HOXC4: variants seen among roughly 807,000 people sequenced by gnomAD.
HOXC4 encodes homeobox C4, also known as homeobox protein Hox-C4.
In HOXC4, 15 loss-of-function variants were observed where a neutral mutation model predicts 25.5. That is an observed-to-expected ratio of 0.59 (90% CI 0.39 to 0.91). HOXC4 has a LOEUF of 0.91. HOXC4 is among the 40% of genes least tolerant of loss of function. The pLI is 0.00. For missense variants in HOXC4, 342 were observed against 352.4 expected (o/e 0.97, Z 0.24); for synonymous variants, 165 against 148.0 (o/e 1.11, Z -0.83).
At chr12:54,034,792 G>C (rs1941138660) in intron 1 of HOXC4, 1 of 399,052 alleles carries the variant, frequency 2.5e-6, no homozygotes, top group Admixed American at 3.7e-5. Context: ...GGCGCAGAAC[G>C]AACCTTGGCC....
intron 1 of HOXC4, among the ~76,000 whole-genome samples, chr12:54,042,389 C>CT (rs1941290248): frequency 6.6e-6 from 1 of 152,208 alleles, no homozygotes; most frequent in African/African-American, 2.4e-5. Context: ...ACTTCTCACA[C>CT]TGGGGTACCA....
In HOXC4 at chr12:54,053,966, C is replaced by G. The variant is rs777245697; in HGVS notation, c.44C>G (p.Pro15Arg). 6.2e-7 allele frequency: 1 copy of G among 1,613,908 alleles called. No individual in the cohort carries two copies. The highest frequency in any genetic ancestry group is 8.5e-7 in the Non-Finnish European group (1 of 1,179,844). The change falls in exon 1 of 2, where the codon CCG (proline) becomes CGG (arginine). Residue 15 changes from proline to arginine, a missense_variant. Transcript: ENST00000430889. ...TTGATGGACTCTAACTACATCGATC[C>G]GAAATTTCCTCCATGCGAAGAATAT... is the stretch of plus-strand genomic sequence containing the variant. ...SYLMDSNYID[P>R]KFPPCEEYSQ...
At chr12:54,032,378 G>C (rs2136444707) in intron 1 of HOXC4, among the ~76,000 whole-genome samples, 1 of 152,308 alleles carries the variant, frequency 6.6e-6, no homozygotes, top group African/African-American at 2.4e-5. Flanking sequence ...TTGCTGATAG[G>C]CACCTCTTCA....
rs1336608982 is a variant in HOXC4 at position 54,055,857 on chromosome 12, A to G, written c.*652A>G. 2 of 152,548 alleles carry G rather than the reference A, an allele frequency of 1.3e-5. No individual in the cohort carries two copies. Among genetic ancestry groups the G allele is most frequent in the Non-Finnish European group, 2.9e-5 (2 of 68,030 alleles). 9.4% of individuals were successfully genotyped at this position (152,548 alleles called of 1,614,324 possible). A position where few individuals can be genotyped will look rare whatever the true frequency, so the allele number is the denominator to read the frequency against. On this transcript the variant is annotated 3_prime_UTR_variant, in exon 2 of 2. Coordinates refer to ENST00000430889, the MANE Select transcript of HOXC4 (RefSeq NM_153633.3). ...AGGAGCCAAAAGAAAATCAAAATGA[A>G]CTTTCAGTTCAGAGAGGCAGTCTAT...
At chr12:54,029,551 G>C in intron 1 of HOXC4, 4 of 1,225,524 alleles carry the variant, frequency 3.3e-6, no homozygotes, top group Admixed American at 2.2e-5. Flanking sequence ...AGGAGGCTGT[G>C]AGCTGCTGGC....
chr12:54,025,603 T>A (rs1190802104), intron 1 of HOXC4, among the ~76,000 whole-genome samples: 3 of 151,916 alleles, frequency 2.0e-5, no homozygotes, highest in Admixed American at 6.6e-5. Context: ...GTATTTCTGT[T>A]TCCCCTTCTC....
chr12:54,019,241 T>A (rs1940312790), intron 1 of HOXC4, among the ~76,000 whole-genome samples: 1 of 133,442 alleles, frequency 7.5e-6, no homozygotes, highest in African/African-American at 2.8e-5. Flanking sequence ...TAATTTCGCT[T>A]TCCTTGTTTA....
upstream of HOXC4, among the ~76,000 whole-genome samples, chr12:54,050,747 A>G (rs1252124414): frequency 5.3e-5 from 8 of 152,166 alleles, no homozygotes; most frequent in Non-Finnish European, 1.2e-4. Context: ...AATGATGTAG[A>G]TGAGTGTGGG....
Position 54,025,880 on chromosome 12 carries a change from TGCTGGGG to T in HOXC4, c.-124+8471_-124+8477del, listed in dbSNP as rs532234318. Among the ~76,000 whole-genome samples the T allele has an allele frequency of 4.4e-4, 67 of 152,238 alleles. No homozygotes were observed. In the South Asian group the frequency reaches 0.011, roughly 25 times the overall value. On this transcript the variant is annotated intron_variant, in intron 1 of 3. Transcript: ENST00000303406. ...GGGCTCAAGGAAACCTAGGCATCCT[TGCTGGGG>T]GCTGTAGTCCATGCTGCCCCAGAAG...
intron 1 of HOXC4, among the ~76,000 whole-genome samples, chr12:54,025,497 C>T (rs1330330747): frequency 7.2e-6 from 1 of 138,854 alleles, no homozygotes; most frequent in East Asian, 2.2e-4. Flanking sequence ...AAGAAGAGGG[C>T]TTCTTCTTTC....
intron 1 of HOXC4, 39 bp from the exon 2 acceptor site, chr12:54,054,811 G>A (rs1357722884): frequency 4.3e-6 from 6 of 1,408,284 alleles, no homozygotes; most frequent in Admixed American, 3.7e-5. Context: ...GGAGCCTGCT[G>A]CCTCTGAACC....
intron 1 of HOXC4, among the ~76,000 whole-genome samples, chr12:54,043,095 C>T (rs564902219): frequency 1.4e-4 from 21 of 152,322 alleles, no homozygotes; most frequent in South Asian, 4.1e-4. Context: ...AAATTGGACT[C>T]GGTTATGCAG....
At chr12:54,040,444 G>A (rs1329946278) in intron 1 of HOXC4, among the ~76,000 whole-genome samples, 1 of 152,130 alleles carries the variant, frequency 6.6e-6, no homozygotes, top group Non-Finnish European at 1.5e-5. Flanking sequence ...TTGGAAGGCT[G>A]GAGTGATACC....
At chr12:54,045,973 G>A (rs1217844478) in intron 1 of HOXC4, among the ~76,000 whole-genome samples, 1 of 152,136 alleles carries the variant, frequency 6.6e-6, no homozygotes, top group Non-Finnish European at 1.5e-5. Flanking sequence ...AGAAGAAAGG[G>A]GAGAGTCCTC....
intron 1 of HOXC4, among the ~76,000 whole-genome samples, chr12:54,042,561 T>G (rs78894268): frequency 6.6e-6 from 1 of 152,190 alleles, no homozygotes; most frequent in Non-Finnish European, 1.5e-5. Context: ...TGCTTTGGAC[T>G]GAGTTTTTGA....
At chr12:54,026,973 G>T (rs929142089) in intron 1 of HOXC4, among the ~76,000 whole-genome samples, 1 of 140,810 alleles carries the variant, frequency 7.1e-6, no homozygotes, top group South Asian at 2.2e-4. Flanking sequence ...GTGGGGGGGG[G>T]GGGATATGAG....
upstream of HOXC4, among the ~76,000 whole-genome samples, chr12:54,050,997 TC>T (rs1272354468): frequency 2.6e-5 from 4 of 152,070 alleles, no homozygotes; most frequent in Admixed American, 1.3e-4. Context: ...AAAGTCAGTC[TC>T]CTTGACCCCC....
At chr12:54,034,666 G>A in intron 1 of HOXC4, 1 of 600,948 alleles carries the variant, frequency 1.7e-6, no homozygotes, top group Non-Finnish European at 2.9e-6. Context: ...TACCGACCCA[G>A]GGTTCCCGCG....
chr12:54,053,861 G>A lies in HOXC4; in HGVS notation c.-62G>A. The A allele has an allele frequency of 7.4e-7, 1 of 1,345,444 alleles. No homozygotes were observed. The allele number at this position is 1,345,444 out of a possible 1,614,324, so 83.3% of individuals were successfully genotyped here. A position where few individuals can be genotyped will look rare whatever the true frequency, so the allele number is the denominator to read the frequency against. ...ACTTTACAGGGTCGCTAGCTAGTAG[G>A]AGGGCTTTATGGAGCAGAAAAACGA... On this transcript the variant is annotated 5_prime_UTR_variant, in exon 1 of 2. Coordinates refer to ENST00000430889, the MANE Select transcript of HOXC4 (RefSeq NM_153633.3).
Sources: gnomAD v4.1 joint callset for allele counts (sites outside exome capture counted in the v4.1 genomes callset) on GRCh38, gnomAD v4.1.1 for gene constraint, MANE v1.5 for transcripts, NCBI Gene and HGNC (gene_info 2026-07-23, HGNC 2026-07-21) for gene names.